The following NRK variants were observed in gnomAD, a reference collection of about 807,000 sequenced individuals.
NRK encodes nik-related protein kinase.
A neutral mutation model predicts 125.2 loss-of-function variants in NRK; 67 were observed. The ratio of observed to expected loss-of-function variants is 0.54; its 90% CI spans 0.44 to 0.66. The LOEUF is 0.66. Among genes scored for constraint, NRK ranks in the 30% least tolerant of loss-of-function variants. The pLI, the probability that NRK is intolerant of heterozygous loss-of-function variation, is 0.00. For missense variants in NRK, 1,224 were observed against 1,192.9 expected (o/e 1.03, Z -0.38); for synonymous variants, 458 against 429.0 (o/e 1.07, Z -0.84).
intron 2 of NRK, among the ~76,000 whole-genome samples, chrX:105,869,161 A>G: frequency 9.0e-6 from 1 of 111,155 alleles, no homozygotes; most frequent in Non-Finnish European, 1.9e-5. Flanking sequence ...GGAATGTGTG[A>G]GGCATGGAGT....
intron 1 of NRK, 144 bp downstream of exon 1, chrX:105,823,046 G>C (rs1394497840): frequency 1.4e-5 from 8 of 577,389 alleles, no homozygotes; most frequent in Non-Finnish European, 1.9e-5. Context: ...CCTGGGAGCC[G>C]GCATGCGGAA....
chrX:105,840,717 A>G (rs1460982473), intron 2 of NRK, among the ~76,000 whole-genome samples: 1 of 111,315 alleles, frequency 9.0e-6, no homozygotes. Context: ...ACAATATTTT[A>G]TAAACCACTT....
At chrX:105,857,612 T>A (rs1302106802) in intron 2 of NRK, among the ~76,000 whole-genome samples, 1 of 111,467 alleles carries the variant, frequency 9.0e-6, no homozygotes, top group African/African-American at 3.3e-5. Flanking sequence ...CCCCTTTTTT[T>A]TTGCAGTCAG....
chrX:105,915,384 G>A (rs1186848600), intron 14 of NRK, among the ~76,000 whole-genome samples: 1 of 110,612 alleles, frequency 9.0e-6, no homozygotes, highest in African/African-American at 3.3e-5. Flanking sequence ...TAGAAGTTGG[G>A]AGACCTGCAT....
rs73535207 is a variant in NRK, at chrX:105,943,316, A to G, written c.3959-625A>G. Among the ~76,000 whole-genome samples, 643 of 111,952 alleles carry G rather than the reference A, an allele frequency of 5.7e-3. 5 individuals carry two copies. Among genetic ancestry groups the G allele is most frequent in the African/African-American group, 0.02 (619 of 30,763 alleles). On this transcript the variant is annotated intron_variant, in intron 23 of 28. Coordinates refer to ENST00000243300, the MANE Select transcript of NRK (RefSeq NM_198465.4). The stretch of plus-strand genomic sequence containing the variant: ...TGTTTTTTCCCTATTGAATGGTATA[A>G]CACCATTGACCATAGATGTATGGGT...
At chrX:105,888,043 G>A (rs1394546096) in intron 4 of NRK, among the ~76,000 whole-genome samples, 6 of 112,248 alleles carry the variant, frequency 5.3e-5, no homozygotes, top group Middle Eastern at 9.2e-3. Context: ...GGCCAGTGCC[G>A]CTGGTCCAGG....
chrX:105,935,813 TTATA>T (rs770022568), intron 21 of NRK, among the ~76,000 whole-genome samples: 3 of 102,662 alleles, frequency 2.9e-5, no homozygotes, highest in African/African-American at 1.1e-4. Flanking sequence ...TTATTATATT[TTATA>T]TATATATATA....
intron 13 of NRK, among the ~76,000 whole-genome samples, chrX:105,910,808 G>A (rs897369334): frequency 1.8e-5 from 2 of 111,536 alleles, no homozygotes; most frequent in African/African-American, 6.5e-5. Flanking sequence ...CCTCTTGTGG[G>A]GTCCTTCAGA....
At chrX:105,951,242 A>G (rs1375340893) in intron 27 of NRK, among the ~76,000 whole-genome samples, 1 of 111,331 alleles carries the variant, frequency 9.0e-6, no homozygotes, top group Non-Finnish European at 1.9e-5. Context: ...AATGGTTATA[A>G]GGAAATTCAG....
intron 2 of NRK, among the ~76,000 whole-genome samples, chrX:105,839,099 A>G (rs1300414346): frequency 9.0e-6 from 1 of 111,190 alleles, no homozygotes; most frequent in Non-Finnish European, 1.9e-5. Flanking sequence ...AATTTATGAT[A>G]TTTTAAATTA....
chrX:105,934,530 A>C, intron 20 of NRK, 86 bp downstream of exon 20: 1 of 543,566 alleles, frequency 1.8e-6, no homozygotes, highest in Non-Finnish European at 2.9e-6. Context: ...ATCTGTTAGG[A>C]ATCAAATTAT....
chrX:105,918,417 A>G (rs2040393780), intron 16 of NRK, among the ~76,000 whole-genome samples: 1 of 111,344 alleles, frequency 9.0e-6, no homozygotes, highest in Non-Finnish European at 1.9e-5. Flanking sequence ...TACTGATTTT[A>G]TTAAAATGTT....
chrX:105,853,189 T>C (rs2039493461), intron 2 of NRK, among the ~76,000 whole-genome samples: 2 of 111,959 alleles, frequency 1.8e-5, no homozygotes, highest in African/African-American at 3.3e-5. Context: ...AGTGTCAGTA[T>C]CACCCAGAAA....
In NRK at chrX:105,949,667, T is replaced by A. The variant is rs779436641; in HGVS notation, c.4446T>A (p.Ser1482=). The change falls in exon 27 of 29, where the codon TCT becomes TCA. Residue 1482 remains serine (S), a synonymous_variant. Coordinates refer to ENST00000243300, the MANE Select transcript of NRK (RefSeq NM_198465.4). ...TCACCTTCAATGCTGAAGCCCTCTC[T>A]GTGGAAGCAAATGAACAACTCTTCA... ...MMLTFNAEAL[S]VEANEQLFKK... The A allele has an allele frequency of 8.3e-7, 1 of 1,199,622 alleles. No homozygotes were observed. The highest frequency in any genetic ancestry group is 3.0e-5 in the East Asian group (1 of 33,644).
At chrX:105,948,840 A>G in intron 26 of NRK, 2 of 388,610 alleles carry the variant, frequency 5.1e-6, no homozygotes, top group Non-Finnish European at 8.8e-6. Context: ...TTTCATTTGT[A>G]GGGAAATACT....
intron 2 of NRK, among the ~76,000 whole-genome samples, chrX:105,875,376 G>A (rs368900899): frequency 6.3e-5 from 7 of 111,072 alleles, no homozygotes; most frequent in African/African-American, 2.3e-4. Context: ...TCAGGCTCCA[G>A]CCTTTTCTTT....
chrX:105,934,352 AATC>A lies in NRK; in HGVS notation c.3412_3414del (p.Ser1138del). The A allele has an allele frequency of 8.4e-7, 1 of 1,195,135 alleles. No individual in the cohort carries two copies. The highest frequency in any genetic ancestry group is 1.1e-6 in the Non-Finnish European group (1 of 880,900). ...GAGAGTGACAATAAGGACATATCAG[AATC>A]ATCAACACAATCAGATTTTTCTGCC... On this transcript the variant is annotated inframe_deletion, in exon 20 of 29. Transcript: ENST00000243300.
intron 1 of NRK, among the ~76,000 whole-genome samples, chrX:105,830,428 G>T (rs1030907586): frequency 1.9e-5 from 2 of 104,818 alleles, no homozygotes; most frequent in Admixed American, 1.1e-4. Context: ...TCATTAATAT[G>T]CCTCAGCCTT....
Position 105,923,428 on chromosome X carries a change from A to G in NRK, c.2921A>G (p.Asn974Ser). 1.7e-6 allele frequency: 2 copies of G among 1,150,851 alleles called. No homozygotes were observed. Among genetic ancestry groups the G allele is most frequent in the Non-Finnish European group, 1.2e-6 (1 of 860,191 alleles). 94.8% of individuals were successfully genotyped at this position (1,150,851 alleles called of 1,213,427 possible). A position where few individuals can be genotyped will look rare whatever the true frequency, so the allele number is the denominator to read the frequency against. The change falls in exon 18 of 29, where the codon AAT becomes AGT. Residue 974 changes from asparagine (N) to serine (S), a missense_variant. Transcript: ENST00000243300. ...DVCKDHDDDNNKFVDDVNNNY... is the reference protein window; with the variant it reads ...DVCKDHDDDNSKFVDDVNNNY... ...TGTAAAGACCATGATGATGACAACAATAAGTTTGTTGATGATGTAAATAAT... is the reference window on the plus strand; with the variant it reads ...TGTAAAGACCATGATGATGACAACAGTAAGTTTGTTGATGATGTAAATAAT...
Sources: gnomAD v4.1 joint callset for allele counts (sites outside exome capture counted in the v4.1 genomes callset) on GRCh38, gnomAD v4.1.1 for gene constraint, MANE v1.5 for transcripts, NCBI Gene and HGNC (gene_info 2026-07-23, HGNC 2026-07-21) for gene names.